ADGRL3: variants seen among roughly 807,000 people sequenced by gnomAD.
ADGRL3 encodes adhesion G protein-coupled receptor L3.
A neutral mutation model predicts 153.5 loss-of-function variants in ADGRL3; 62 were observed. The observed-to-expected ratio is 0.40, with a 90% CI of 0.33 to 0.50. ADGRL3 has a LOEUF of 0.50. Ranked by LOEUF, ADGRL3 falls within the 20% of genes least tolerant of loss-of-function variation. The probability of loss-of-function intolerance (pLI) is 0.47; values close to 1 mark genes in which losing one functional copy is unlikely to be tolerated. For synonymous variants in ADGRL3, 710 were observed against 672.5 expected, an observed-to-expected ratio of 1.06 and a Z score of -0.86; for missense variants, 1,641 against 1,859.4, an observed-to-expected ratio of 0.88 and a Z score of 2.16.
intron 5 of ADGRL3, among the ~76,000 whole-genome samples, chr4:61,637,066 A>G (rs939333849): frequency 3.3e-5 from 5 of 152,158 alleles, no homozygotes; most frequent in Non-Finnish European, 5.9e-5. Flanking sequence ...ATGAGCAAAA[A>G]CTAAGACCAG....
intron 6 of ADGRL3, among the ~76,000 whole-genome samples, chr4:61,707,609 G>C (rs148057917): frequency 6.9e-4 from 105 of 151,988 alleles, no homozygotes; most frequent in Admixed American, 1.6e-3. Context: ...TTGCTCAAAC[G>C]TGAACATTTT....
At chr4:62,062,266 T>G (rs1490753845) in intron 25 of ADGRL3, among the ~76,000 whole-genome samples, 1 of 152,030 alleles carries the variant, frequency 6.6e-6, no homozygotes, top group African/African-American at 2.4e-5. Context: ...CTGTTTATGC[T>G]TTTGAACCAT....
chr4:62,015,904 T>C (rs571024081), intron 21 of ADGRL3, among the ~76,000 whole-genome samples: 194 of 151,936 alleles, frequency 1.3e-3, no homozygotes, highest in African/African-American at 4.5e-3. Context: ...TAAATAAGTA[T>C]ATAATTTATA....
chr4:61,474,503 T>C (rs1221389293), intron 2 of ADGRL3, among the ~76,000 whole-genome samples: 1 of 152,142 alleles, frequency 6.6e-6, no homozygotes, highest in Non-Finnish European at 1.5e-5. Context: ...TTATAGAATA[T>C]TATTAGTTGC....
At chr4:61,801,347 C>A (rs1399596862) in intron 8 of ADGRL3, among the ~76,000 whole-genome samples, 1 of 151,732 alleles carries the variant, frequency 6.6e-6, no homozygotes, top group East Asian at 1.9e-4. Flanking sequence ...AGCTCCAGCA[C>A]CTGATGTAAA....
At chr4:61,969,298 G>T (rs368070691) in intron 17 of ADGRL3, among the ~76,000 whole-genome samples, 2 of 151,742 alleles carry the variant, frequency 1.3e-5, no homozygotes, top group South Asian at 4.2e-4. Context: ...TTTTTGGGGG[G>T]TGGGAGGAGA....
chr4:61,691,511 T>C (rs1294256944), intron 6 of ADGRL3, among the ~76,000 whole-genome samples: 1 of 152,168 alleles, frequency 6.6e-6, no homozygotes, highest in East Asian at 1.9e-4. Context: ...TGTGATGCTT[T>C]TGAAAAAGGT....
At position 61,370,130 on chromosome 4, in the gene ADGRL3, A is replaced by G. The variant is rs549431489; in HGVS notation, c.-239-12994A>G. Among the ~76,000 whole-genome samples the G allele has an allele frequency of 4.6e-5, 7 of 151,052 alleles. No individual in the cohort carries two copies. In the East Asian group the frequency reaches 1.4e-3, roughly 29 times the overall value. ...TTGATTCTTCTCTCTTTTTTTCTTTATTAGTCTTGCTAGTGATTTATCAAT... is the reference window on the plus strand; with the variant it reads ...TTGATTCTTCTCTCTTTTTTTCTTTGTTAGTCTTGCTAGTGATTTATCAAT... On this transcript the variant is annotated intron_variant, in intron 1 of 26. Transcript: ENST00000683033.
intron 2 of ADGRL3, among the ~76,000 whole-genome samples, chr4:61,398,041 T>C (rs983154273): frequency 6.6e-6 from 1 of 151,908 alleles, no homozygotes; most frequent in Non-Finnish European, 1.5e-5. Context: ...TAGGCTAGAC[T>C]CTGAGTGATG....
chr4:61,711,961 A>T (rs1580402770), intron 6 of ADGRL3, among the ~76,000 whole-genome samples: 1 of 152,158 alleles, frequency 6.6e-6, no homozygotes, highest in Non-Finnish European at 1.5e-5. Flanking sequence ...CAGTTAGAGT[A>T]CCAATAGCTT....
chr4:61,380,660 A>G (rs927234788), intron 1 of ADGRL3, among the ~76,000 whole-genome samples: 1 of 152,000 alleles, frequency 6.6e-6, no homozygotes, highest in Non-Finnish European at 1.5e-5. Flanking sequence ...TTTCTGGTGC[A>G]TTGCTTTTTA....
chr4:61,443,694 C>T (rs2097550376), intron 2 of ADGRL3, among the ~76,000 whole-genome samples: 1 of 151,988 alleles, frequency 6.6e-6, no homozygotes, highest in Admixed American at 6.6e-5. Flanking sequence ...GCTCTCTATA[C>T]TCATTTTATT....
chr4:61,921,659 G>C (rs2098769942), intron 13 of ADGRL3, among the ~76,000 whole-genome samples: 2 of 152,146 alleles, frequency 1.3e-5, no homozygotes, highest in African/African-American at 4.8e-5. Context: ...ATCTGCCTCG[G>C]CCTCCCAAAG....
chr4:61,840,149 G>A (rs558484105), intron 9 of ADGRL3, among the ~76,000 whole-genome samples: 57 of 152,096 alleles, frequency 3.7e-4, no homozygotes, highest in African/African-American at 1.3e-3. Flanking sequence ...GTGCAATCTC[G>A]CCTCCCTGCA....
chr4:61,961,989 G>T (rs781541899), intron 17 of ADGRL3, among the ~76,000 whole-genome samples: 1 of 151,898 alleles, frequency 6.6e-6, no homozygotes, highest in Non-Finnish European at 1.5e-5. Context: ...TGTATATGTT[G>T]TGCATGTGTG....
chr4:61,959,374 C>A (rs1313451504), intron 17 of ADGRL3, among the ~76,000 whole-genome samples: 2 of 152,138 alleles, frequency 1.3e-5, no homozygotes, highest in African/African-American at 4.8e-5. Context: ...CCTACTCTCT[C>A]CTGTCAATTC....
At chr4:61,983,982 C>T (rs1177265938) in intron 19 of ADGRL3, among the ~76,000 whole-genome samples, 1 of 152,092 alleles carries the variant, frequency 6.6e-6, no homozygotes, top group Non-Finnish European at 1.5e-5. Flanking sequence ...CTGCCAAGTC[C>T]GTTCAAGTCA....
intron 1 of ADGRL3, among the ~76,000 whole-genome samples, chr4:61,280,108 TTTTTC>T (rs1276229160): frequency 1.5e-4 from 5 of 33,326 alleles, no homozygotes; most frequent in Admixed American, 4.0e-4. Context: ...TTTTCTTTTC[TTTTTC>T]TTTTTTTTTT....
intron 20 of ADGRL3, 74 bp from the exon 21 acceptor site, chr4:61,998,100 G>A: frequency 1.6e-6 from 1 of 631,196 alleles, no homozygotes. Context: ...AACAACTCAT[G>A]TGTTATAGAG....
Sources: allele counts gnomAD v4.1 joint callset (sites outside exome capture counted in the v4.1 genomes callset), GRCh38; gene constraint gnomAD v4.1.1; transcripts MANE v1.5; gene names NCBI Gene and HGNC (gene_info 2026-07-23, HGNC 2026-07-21).